The following TAF4 variants were observed in gnomAD, a reference collection of about 807,000 sequenced individuals.
TAF4 encodes TATA-box binding protein associated factor 4, also known as transcription initiation factor TFIID subunit 4.
TAF4 carries 9 observed loss-of-function variants against 90.3 expected under a neutral mutation model. The observed-to-expected ratio is 0.10, with a 90% CI of 0.06 to 0.17. TAF4 has a LOEUF of 0.17. Ranked by LOEUF, TAF4 falls within the 10% of genes least tolerant of loss-of-function variation. The pLI is 1.00. For synonymous variants in TAF4, 818 were observed against 638.9 expected, an observed-to-expected ratio of 1.28 and a Z score of -4.23; for missense variants, 1,351 against 1,370.7, an observed-to-expected ratio of 0.99 and a Z score of 0.23.
At chr20:61,990,273 C>T (rs947117543) in intron 14 of TAF4, among the ~76,000 whole-genome samples, 3 of 152,282 alleles carry the variant, frequency 2.0e-5, no homozygotes, top group Middle Eastern at 3.4e-3. Flanking sequence ...GCTCATACAC[C>T]GGAGTCTGCA....
At chr20:61,992,524 C>T (rs770021451) in intron 14 of TAF4, among the ~76,000 whole-genome samples, 1 of 150,668 alleles carries the variant, frequency 6.6e-6, no homozygotes, top group Non-Finnish European at 1.5e-5. Flanking sequence ...AAGATAAAGA[C>T]GTCATTTTGA....
At chr20:62,048,907 G>A (rs1244506866) in intron 1 of TAF4, among the ~76,000 whole-genome samples, 1 of 74,996 alleles carries the variant, frequency 1.3e-5, no homozygotes, top group African/African-American at 5.5e-5. Context: ...CTCCCTGCAT[G>A]CCCACGTTGG....
chr20:62,004,318 C>CT (rs1250131175), intron 7 of TAF4, among the ~76,000 whole-genome samples: 14 of 121,526 alleles, frequency 1.2e-4, no homozygotes, highest in African/African-American at 3.4e-4. Context: ...TTTCTTTTTT[C>CT]TTTTCTTTTC....
At chr20:61,987,169 G>A (rs1425111299) in intron 14 of TAF4, among the ~76,000 whole-genome samples, 1 of 152,160 alleles carries the variant, frequency 6.6e-6, no homozygotes, top group Non-Finnish European at 1.5e-5. Flanking sequence ...CATTCTAACT[G>A]AGATTCTACA....
chr20:61,977,220 A>G (rs555071020), intron 14 of TAF4, among the ~76,000 whole-genome samples: 67 of 131,324 alleles, frequency 5.1e-4, no homozygotes, highest in African/African-American at 9.3e-4. Flanking sequence ...ACACACACAC[A>G]ACACCGCCCA....
intron 1 of TAF4, among the ~76,000 whole-genome samples, chr20:62,057,514 C>T (rs1487931098): frequency 6.6e-6 from 1 of 152,246 alleles, no homozygotes; most frequent in East Asian, 1.9e-4. Flanking sequence ...CCTGGCTACG[C>T]TCCTCTCACA....
intron 10 of TAF4, 71 bp from the exon 11 acceptor site, chr20:62,000,325 G>C: frequency 6.4e-7 from 1 of 1,565,058 alleles, no homozygotes; most frequent in Non-Finnish European, 8.7e-7. Flanking sequence ...GCTAATCTCT[G>C]ATCCAGCAGT....
chr20:62,012,609 A>AT, intron 3 of TAF4: 1 of 577,392 alleles, frequency 1.7e-6, no homozygotes, highest in East Asian at 4.5e-5. Flanking sequence ...ACTAAAAAAA[A>AT]GAAAAAAGAA....
chr20:62,039,571 G>A (rs962817385), intron 1 of TAF4, among the ~76,000 whole-genome samples: 1 of 152,152 alleles, frequency 6.6e-6, no homozygotes, highest in Non-Finnish European at 1.5e-5. Context: ...TATTTAAGAA[G>A]GCACAGGACG....
At chr20:62,037,884 G>C (rs534026209) in intron 1 of TAF4, 4 of 220,256 alleles carry the variant, frequency 1.8e-5, no homozygotes, top group Non-Finnish European at 3.8e-5. Context: ...TTCTTAAAGT[G>C]ATCAAGAAGA....
At chr20:62,024,412 A>G (rs1480548381) in intron 1 of TAF4, among the ~76,000 whole-genome samples, 1 of 152,232 alleles carries the variant, frequency 6.6e-6, no homozygotes, top group African/African-American at 2.4e-5. Context: ...TAAAAGAACA[A>G]AAGGATAAAC....
At chr20:62,064,235 CGACAGG>C in intron 1 of TAF4, 1 of 454,860 alleles carries the variant, frequency 2.2e-6, no homozygotes. Flanking sequence ...TCAGGGACAG[CGACAGG>C]GACGCAGGCT....
intron 14 of TAF4, among the ~76,000 whole-genome samples, chr20:61,987,195 C>G (rs543381464): frequency 6.6e-6 from 1 of 152,110 alleles, no homozygotes; most frequent in South Asian, 2.1e-4. Flanking sequence ...GACGTCATCA[C>G]GAGGAGACAC....
At chr20:62,054,687 G>A (rs1473126882) in intron 1 of TAF4, among the ~76,000 whole-genome samples, 2 of 152,060 alleles carry the variant, frequency 1.3e-5, no homozygotes, top group African/African-American at 4.8e-5. Flanking sequence ...TATGAATGCT[G>A]GCCTCTCCCG....
chr20:61,997,711 TG>T, intron 13 of TAF4, 42 bp from the exon 14 acceptor site: 9 of 1,581,164 alleles, frequency 5.7e-6, no homozygotes, highest in Non-Finnish European at 7.7e-6. Context: ...ATTTCTTGCA[TG>T]TTTTTTACTT....
intron 1 of TAF4, among the ~76,000 whole-genome samples, chr20:62,044,800 C>G (rs1343290760): frequency 2.6e-5 from 4 of 152,198 alleles, no homozygotes; most frequent in Non-Finnish European, 5.9e-5. Flanking sequence ...CCCAGCGCTG[C>G]CGAAACTGCT....
chr20:62,017,356 A>T (rs2055817872), intron 1 of TAF4, among the ~76,000 whole-genome samples: 1 of 152,008 alleles, frequency 6.6e-6, no homozygotes, highest in Non-Finnish European at 1.5e-5. Flanking sequence ...ATTGCATCCA[A>T]GGCCAGGCAC....
chr20:62,043,151 C>CA (rs2055973627), intron 1 of TAF4, among the ~76,000 whole-genome samples: 2 of 152,074 alleles, frequency 1.3e-5, no homozygotes, highest in South Asian at 2.1e-4. Context: ...GTGAAACCTA[C>CA]AAAAAAATAC....
At chr20:62,064,348 C>CG (rs918784807) in intron 1 of TAF4, 103 bp downstream of exon 1, 2 of 1,225,730 alleles carry the variant, frequency 1.6e-6, no homozygotes, top group African/African-American at 1.6e-5. Flanking sequence ...CACGGGCCTA[C>CG]GGGACAGATG....
Sources: gnomAD v4.1 joint callset for allele counts (sites outside exome capture counted in the v4.1 genomes callset) on GRCh38, gnomAD v4.1.1 for gene constraint, MANE v1.5 for transcripts, NCBI Gene and HGNC (gene_info 2026-07-23, HGNC 2026-07-21) for gene names.